Variants in DNAH10 observed in about 807,000 individuals in gnomAD.
DNAH10 encodes the protein axonemal beta dynein heavy chain 10.
Under a neutral mutation model 506.6 loss-of-function variants are expected in DNAH10, and 348 were observed. That is an observed-to-expected ratio of 0.69 (90% CI 0.63 to 0.75). DNAH10 has a LOEUF of 0.75. Among genes scored for constraint, DNAH10 ranks in the 30% least tolerant of loss-of-function variants. DNAH10 has a pLI of 0.00. For synonymous variants in DNAH10, 2,059 were observed against 2,198.6 expected, an observed-to-expected ratio of 0.94 and a Z score of 1.78; for missense variants, 5,179 against 5,787.1, an observed-to-expected ratio of 0.89 and a Z score of 3.41.
intron 25 of DNAH10, among the ~76,000 whole-genome samples, chr12:123,829,852 A>G (rs111445389): frequency 1.3e-5 from 2 of 152,306 alleles, no homozygotes; most frequent in African/African-American, 4.8e-5. Context: ...AAACATGGGC[A>G]AATTCACAGG....
intron 70 of DNAH10, chr12:123,929,045 C>A: frequency 3.4e-6 from 2 of 593,028 alleles, no homozygotes; most frequent in Non-Finnish European, 6.0e-6. Context: ...AGTAAAGGAT[C>A]TCATGGTTCA....
chr12:123,770,974 CTTT>C (rs33920942), intron 2 of DNAH10, among the ~76,000 whole-genome samples: 7 of 126,394 alleles, frequency 5.5e-5, no homozygotes. Flanking sequence ...AGCTGTAATT[CTTT>C]TTTTTTTTTT....
In DNAH10 at chr12:123,808,881, C is replaced by T. The variant is rs1216546144; in HGVS notation, c.3072C>T (p.Ile1024=). 2 of 1,614,222 alleles carry T rather than the reference C, an allele frequency of 1.2e-6. No individual in the cohort carries two copies. The highest frequency in any genetic ancestry group is 1.1e-5 in the South Asian group (1 of 91,084). Residue 1024 remains isoleucine (I), a synonymous_variant, in exon 19 of 79, where the codon ATC becomes ATT. Transcript: ENST00000673944. The stretch of plus-strand genomic sequence containing the variant: ...CCATTCTGACGGCACCTGAGATCAT[C>T]CTTCATCCCAACACAAATGAGATCG... The part of the protein sequence containing the change: ...TETILTAPEI[I]LHPNTNEIDK...
rs772239862 is a variant in DNAH10 at position 123,838,491 on chromosome 12, G to T, written c.4938G>T (p.Lys1646Asn). 6.2e-7 allele frequency: 1 copy of T among 1,613,988 alleles called. No individual in the cohort carries two copies. Among genetic ancestry groups the T allele is most frequent in the Non-Finnish European group, 8.5e-7 (1 of 1,179,878 alleles). Residue 1646 changes from lysine to asparagine, a missense_variant, in exon 29 of 79, where the codon AAG becomes AAT. By Grantham distance (94) the Lys-to-Asn change is moderately conservative (BLOSUM62 0). This residue lies in a region of DNAH10 where 4,844 missense variants were observed against 5,430.5 expected (regional missense o/e 0.89). Coordinates refer to ENST00000673944, the MANE Select transcript of DNAH10 (RefSeq NM_001372106.1). Reference protein sequence around the residue: ...MGETLKDPVIKRCCEAPNRLS... With the variant: ...MGETLKDPVINRCCEAPNRLS... ...AGACCTTAAAAGACCCCGTGATCAA[G>T]AGGTGCTGTGAAGCCCCAAACCGCC...
In DNAH10 at chr12:123,762,610, C is replaced by T. The variant is rs987988489; in HGVS notation, c.214+60C>T. 6.1e-6 allele frequency: 9 copies of T among 1,480,446 alleles called. No individual in the cohort carries two copies. The African/African-American group carries it at 1.1e-4, about 19-fold the overall frequency. 91.7% of individuals were successfully genotyped at this position (1,480,446 alleles called of 1,614,324 possible). A position where few individuals can be genotyped will look rare whatever the true frequency, so the allele number is the denominator to read the frequency against. The stretch of plus-strand genomic sequence containing the variant: ...TCCCTCCTGCCCGTCCCGGCCTCTC[C>T]GGCGGGCGCCGGGGCTGCTAGAGCC... On this transcript the variant is annotated intron_variant, in intron 1 of 78. Transcript: ENST00000673944. The surrounding 1 kb of genome is among the most constrained non-coding windows in gnomAD (Gnocchi z 5.0).
At chr12:123,879,481 G>A (rs947832083) in intron 49 of DNAH10, 124 bp downstream of exon 49, 10 of 1,438,794 alleles carry the variant, frequency 7.0e-6, no homozygotes, top group Middle Eastern at 3.7e-4. Context: ...ATGGGGCAAA[G>A]GAGGGTGGGT....
chr12:123,822,275 G>A (rs1442817536), intron 24 of DNAH10, among the ~76,000 whole-genome samples: 1 of 152,168 alleles, frequency 6.6e-6, no homozygotes, highest in African/African-American at 2.4e-5. Flanking sequence ...TGTTTCCCAT[G>A]CAAATTCATG....
intron 51 of DNAH10, among the ~76,000 whole-genome samples, 178 bp from the exon 52 acceptor site, chr12:123,886,964 T>C (rs150195699): frequency 0.011 from 1,690 of 152,228 alleles, 35 homozygotes; most frequent in African/African-American, 0.038. Flanking sequence ...TCATGGGGCT[T>C]CCCCCTCCTC....
intron 52 of DNAH10, among the ~76,000 whole-genome samples, chr12:123,891,714 C>G (rs1952990481): frequency 6.6e-6 from 1 of 152,132 alleles, no homozygotes; most frequent in Admixed American, 6.5e-5. Flanking sequence ...GATCCCTCTC[C>G]CTTGTTGAAT....
chr12:123,852,189 G>A (rs1951201162), intron 35 of DNAH10, among the ~76,000 whole-genome samples: 1 of 152,184 alleles, frequency 6.6e-6, no homozygotes, highest in Admixed American at 6.5e-5. Flanking sequence ...GAGACATGTA[G>A]TATGGAACCC....
At chr12:123,896,148 C>CACACACAGAGAGAGAGAG (rs1383690518) in intron 54 of DNAH10, among the ~76,000 whole-genome samples, 22 of 95,306 alleles carry the variant, frequency 2.3e-4, no homozygotes, top group African/African-American at 8.8e-4. Context: ...CACACACACA[C>CACACACAGAGAGAGAGAG]AGAGAGAGAG....
intron 36 of DNAH10, 75 bp from the exon 37 acceptor site, chr12:123,856,981 C>A: frequency 8.5e-7 from 1 of 1,174,974 alleles, no homozygotes; most frequent in Non-Finnish European, 1.1e-6. Context: ...AGTGTTACCA[C>A]TGGGTTGGAA....
intron 36 of DNAH10, among the ~76,000 whole-genome samples, chr12:123,854,274 T>G (rs1050627459): frequency 5.3e-5 from 8 of 152,148 alleles, no homozygotes; most frequent in Non-Finnish European, 7.3e-5. Context: ...TGAAGGGCGA[T>G]CATGCTATTG....
intron 39 of DNAH10, 36 bp downstream of exon 39, chr12:123,861,206 A>G (rs748037597): frequency 6.2e-7 from 1 of 1,605,822 alleles, no homozygotes; most frequent in Non-Finnish European, 8.5e-7. Context: ...AGCCTGGGTT[A>G]GTTAATGTTA....
chr12:123,909,135 C>T lies in DNAH10; in HGVS notation c.9816-126C>T, dbSNP rs116333793. 4,610 of 1,296,630 alleles carry T rather than the reference C, an allele frequency of 3.6e-3. 137 individuals carry two copies. In the African/African-American group the frequency reaches 0.06, roughly 17 times the overall value. 80.3% of individuals were successfully genotyped at this position (1,296,630 alleles called of 1,614,324 possible). A position where few individuals can be genotyped will look rare whatever the true frequency, so the allele number is the denominator to read the frequency against. ...GTTTGTGTTGGGACCTGGCTTCTTT[C>T]GTTTGCTTGCAGCAGTAGCTCCAGG... On this transcript the variant is annotated intron_variant, in intron 57 of 78. Transcript: ENST00000673944. The surrounding 1 kb of genome is among the most constrained non-coding windows in gnomAD (Gnocchi z 5.4).
At chr12:123,873,851 G>A in intron 46 of DNAH10, 141 bp downstream of exon 46, 1 of 1,149,566 alleles carries the variant, frequency 8.7e-7, no homozygotes, top group Non-Finnish European at 1.2e-6. Flanking sequence ...GCTGCGGGGA[G>A]CCAGCCTAAG....
In DNAH10 at chr12:123,871,502, T is replaced by C. The variant is rs978516869; in HGVS notation, c.7685T>C (p.Met2562Thr). 28 of 1,569,966 alleles carry C rather than the reference T, an allele frequency of 1.8e-5. No individual in the cohort carries two copies. In the African/African-American group the frequency reaches 3.7e-4, roughly 20 times the overall value. The change falls in exon 45 of 79, where the codon ATG becomes ACG. Residue 2562 changes from methionine to threonine, a missense_variant. Coordinates refer to ENST00000673944, the MANE Select transcript of DNAH10 (RefSeq NM_001372106.1). ...TTRTTWILEQ[M>T]VKIKQPVIFV... is the part of the protein sequence containing the mutation. Reference sequence around the variant, plus strand: ...CGGACTACCTGGATATTGGAACAAATGGTTAAAATTAAGCAACCTGTTATT... The same window carrying C: ...CGGACTACCTGGATATTGGAACAAACGGTTAAAATTAAGCAACCTGTTATT...
chr12:123,864,862 C>T, intron 40 of DNAH10, 132 bp downstream of exon 40: 2 of 1,144,366 alleles, frequency 1.7e-6, no homozygotes, highest in African/African-American at 1.6e-5. Context: ...ATAATGAATA[C>T]AACTCTTTGT....
Position 123,917,822 on chromosome 12 carries a change from C to T in DNAH10, c.11232+9C>T. On this transcript the variant is annotated intron_variant, in intron 64 of 78. Transcript: ENST00000673944. The surrounding 1 kb of genome is among the most constrained non-coding windows in gnomAD (Gnocchi z 5.6). ...AATCCAAGGCAACAGAGGTAGCAAC[C>T]ACAGTGGAAGAGGCCGTGAGTCAGG... 6.4e-7 allele frequency: 1 copy of T among 1,562,592 alleles called. No homozygotes were observed. The highest frequency in any genetic ancestry group is 8.7e-7 in the Non-Finnish European group (1 of 1,153,668).
Sources: gnomAD v4.1 joint callset for allele counts (sites outside exome capture counted in the v4.1 genomes callset) on GRCh38, gnomAD v4.1.1 for gene constraint, gnomAD v4.1.1 regional missense constraint, Gnocchi (gnomAD v3.1) non-coding constraint, MANE v1.5 for transcripts, NCBI Gene and HGNC (gene_info 2026-07-23, HGNC 2026-07-21) for gene names.